The following TPTE variants were observed in gnomAD, a reference collection of about 807,000 sequenced individuals.
The protein encoded by TPTE is putative tyrosine-protein phosphatase TPTE.
TPTE carries 59 observed loss-of-function variants against 84.1 expected under a neutral mutation model. That is an observed-to-expected ratio of 0.70 (90% confidence interval 0.57 to 0.87). The LOEUF is 0.87. Ranked by LOEUF, TPTE falls within the 40% of genes least tolerant of loss-of-function variation. TPTE has a pLI of 0.00. For synonymous variants in TPTE, 130 were observed against 223.5 expected (o/e 0.58, Z 3.73); for missense variants, 382 against 659.6 (o/e 0.58, Z 4.61).
chr21:10,573,829 TG>T (rs1202881535), intron 14 of TPTE, among the ~76,000 whole-genome samples: 6 of 152,312 alleles, frequency 3.9e-5, no homozygotes, highest in African/African-American at 1.4e-4. Context: ...ACTTCAGGCC[TG>T]TTCACATGAT....
intron 17 of TPTE, among the ~76,000 whole-genome samples, chr21:10,586,132 T>A (rs2145757204): frequency 6.6e-6 from 1 of 152,418 alleles, no homozygotes; most frequent in African/African-American, 2.4e-5. Flanking sequence ...TTTGTTCTTT[T>A]CCTGACTTCT....
chr21:10,556,523 A>G (rs2074687528), intron 8 of TPTE, among the ~76,000 whole-genome samples: 1 of 152,312 alleles, frequency 6.6e-6, no homozygotes, highest in Non-Finnish European at 1.5e-5. Context: ...GTGTCTTTAT[A>G]GCAGCATGAT....
intron 19 of TPTE, among the ~76,000 whole-genome samples, chr21:10,594,784 TGCAC>T (rs1300767405): frequency 6.6e-6 from 1 of 152,312 alleles, no homozygotes; most frequent in African/African-American, 2.4e-5. Context: ...GGGACTCAGC[TGCAC>T]GTTTGAGAGC....
At chr21:10,525,391 C>A (rs1204736992) in intron 2 of TPTE, among the ~76,000 whole-genome samples, 10 of 152,300 alleles carry the variant, frequency 6.6e-5, no homozygotes, top group African/African-American at 2.4e-4. Flanking sequence ...ATGGTCCTAT[C>A]TCCAGGAACG....
chr21:10,549,512 A>C, intron 7 of TPTE, among the ~76,000 whole-genome samples: 1 of 152,426 alleles, frequency 6.6e-6, no homozygotes, highest in East Asian at 1.9e-4. Flanking sequence ...AAAATAACCA[A>C]ACAGAAGCCC....
chr21:10,589,527 T>TC (rs1315650593), intron 17 of TPTE, among the ~76,000 whole-genome samples: 2 of 152,302 alleles, frequency 1.3e-5, no homozygotes, highest in African/African-American at 2.4e-5. Context: ...TAGGGAAGAT[T>TC]CCCCCAGTGT....
At position 10,586,029 on chromosome 21, in the gene TPTE, T is replaced by A. The variant is rs1377492249; in HGVS notation, c.1028-4433T>A. ...TACTAGTCTTTTAAAAGAACCAAGT[T>A]TTTGGCCTATTTGTGGTCTCTATTT... is the stretch of plus-strand genomic sequence containing the variant. On this transcript the variant is annotated intron_variant, in intron 17 of 23. Transcript: ENST00000618007. Among the ~76,000 whole-genome samples, 4 of 152,418 alleles carry A rather than the reference T, an allele frequency of 2.6e-5. No individual in the cohort carries two copies. The East Asian group carries it at 7.7e-4, about 29-fold the overall frequency.
chr21:10,550,225 C>G (rs2074547324), intron 7 of TPTE, among the ~76,000 whole-genome samples: 1 of 152,308 alleles, frequency 6.6e-6, no homozygotes, highest in Non-Finnish European at 1.5e-5. Flanking sequence ...TGCAAAACCT[C>G]CTCACCTACC....
At position 10,561,767 on chromosome 21, in the gene TPTE, TC is replaced by T. The variant is rs1346906079; in HGVS notation, c.446+579del. Among the ~76,000 whole-genome samples, 5 of 152,426 alleles carry T rather than the reference TC, an allele frequency of 3.3e-5. No individual in the cohort carries two copies. The South Asian group carries it at 8.3e-4, about 25-fold the overall frequency. On this transcript the variant is annotated intron_variant, in intron 10 of 23. Transcript: ENST00000618007. ...TACAGTTTTTGATCTAGGCCCTGAT[TC>T]CCAGACAGCACCTGTGGATCCACCT...
At chr21:10,534,902 C>T (rs1403673424) in intron 3 of TPTE, among the ~76,000 whole-genome samples, 1 of 152,312 alleles carries the variant, frequency 6.6e-6, no homozygotes, top group Non-Finnish European at 1.5e-5. Flanking sequence ...TGAGATTCTA[C>T]CAGGTTAGGC....
intron 3 of TPTE, among the ~76,000 whole-genome samples, chr21:10,531,360 C>T (rs469948): frequency 0.22 from 31,177 of 143,676 alleles, 66 homozygotes; most frequent in African/African-American, 0.47. Context: ...AGCGGCTTCC[C>T]GCACCTTGAT....
chr21:10,577,041 TAC>T, intron 14 of TPTE, among the ~76,000 whole-genome samples: 1 of 152,430 alleles, frequency 6.6e-6, no homozygotes, highest in South Asian at 2.1e-4. Context: ...TGCATTTGTT[TAC>T]ATAGTGCTTA....
chr21:10,554,723 C>G (rs1270866028), intron 8 of TPTE, among the ~76,000 whole-genome samples: 3 of 152,424 alleles, frequency 2.0e-5, no homozygotes, highest in African/African-American at 7.2e-5. Context: ...CTTCTCACCC[C>G]AAGATTTTAA....
intron 14 of TPTE, among the ~76,000 whole-genome samples, chr21:10,572,218 G>A (rs867415637): frequency 2.7e-3 from 414 of 151,874 alleles, no homozygotes; most frequent in South Asian, 9.5e-3. Context: ...GGGAGGCTGA[G>A]GCGGGTGGAT....
At chr21:10,533,653 A>G (rs1315335066) in intron 3 of TPTE, among the ~76,000 whole-genome samples, 128 of 152,354 alleles carry the variant, frequency 8.4e-4, no homozygotes, top group Non-Finnish European at 8.2e-4. Flanking sequence ...CAGGAATTAT[A>G]TAGTCAGTCT....
At chr21:10,569,621 A>G in intron 12 of TPTE, 62 bp from the exon 13 acceptor site, 1 of 1,613,912 alleles carries the variant, frequency 6.2e-7, no homozygotes, top group Non-Finnish European at 8.5e-7. Flanking sequence ...TATACTGTAT[A>G]ATGTTTTTTA....
At position 10,542,424 on chromosome 21, in the gene TPTE, C is replaced by T; in HGVS notation, c.95C>T (p.Thr32Ile). 1 of 1,612,004 alleles carries T rather than the reference C, an allele frequency of 6.2e-7. No individual in the cohort carries two copies. Among genetic ancestry groups the T allele is most frequent in the South Asian group, 1.1e-5 (1 of 91,068 alleles). Residue 32 changes from threonine (T) to isoleucine (I), a missense_variant, in exon 6 of 24, where the codon ACC (threonine) becomes ATC (isoleucine). Around this residue, in one of 10 missense-constraint regions of TPTE, gnomAD observed 63 missense variants for 49.5 expected, o/e 1.27. Coordinates refer to ENST00000618007, the MANE Select transcript of TPTE (RefSeq NM_199261.4). ...SPQTSEFKGATEEAPAKESPH... is the reference protein window; with the variant it reads ...SPQTSEFKGAIEEAPAKESPH... ...CAGACAAGTGAATTTAAAGGAGCAACCGAGGAGGCACCTGCGAAAGAAAGG... is the reference window on the plus strand; with the variant it reads ...CAGACAAGTGAATTTAAAGGAGCAATCGAGGAGGCACCTGCGAAAGAAAGG...
intron 11 of TPTE, among the ~76,000 whole-genome samples, chr21:10,568,787 C>T (rs922025647): frequency 6.6e-6 from 1 of 152,308 alleles, no homozygotes; most frequent in Non-Finnish European, 1.5e-5. Flanking sequence ...CAGCAATCTG[C>T]AGCTTAACAA....
At chr21:10,554,489 T>C (rs2074640176) in intron 8 of TPTE, among the ~76,000 whole-genome samples, 1 of 152,308 alleles carries the variant, frequency 6.6e-6, no homozygotes, top group African/African-American at 2.4e-5. Context: ...TATTAGTAAA[T>C]ATATTTGTTC....
Sources: gnomAD v4.1 joint callset for allele counts (sites outside exome capture counted in the v4.1 genomes callset) on GRCh38, gnomAD v4.1.1 for gene constraint, gnomAD v4.1.1 regional missense constraint, MANE v1.5 for transcripts, NCBI Gene and HGNC (gene_info 2026-07-23, HGNC 2026-07-21) for gene names.